MATR3: variants seen among roughly 807,000 people sequenced by gnomAD.
The protein encoded by MATR3 is matrin-3.
A neutral mutation model predicts 85.5 loss-of-function variants in MATR3; 4 were observed. The observed-to-expected ratio is 0.05, with a 90% CI of 0.02 to 0.11. MATR3 has a LOEUF of 0.11. Among genes scored for constraint, MATR3 ranks in the 10% least tolerant of loss-of-function variants. The probability of loss-of-function intolerance (pLI) is 1.00; values close to 1 mark genes in which losing one functional copy is unlikely to be tolerated. For missense variants in MATR3, 685 were observed against 1,016.1 expected (o/e 0.67, Z 4.43); for synonymous variants, 336 against 343.1 (o/e 0.98, Z 0.23).
intron 5 of MATR3, 25 bp downstream of exon 5, chr5:139,316,213 T>A: frequency 6.6e-7 from 1 of 1,523,226 alleles, no homozygotes; most frequent in South Asian, 1.1e-5. Flanking sequence ...TTCATGTTAC[T>A]TTTCCCTACA....
At chr5:139,285,991 A>G (rs1753688844) in intron 3 of MATR3, among the ~76,000 whole-genome samples, 1 of 152,214 alleles carries the variant, frequency 6.6e-6, no homozygotes, top group Non-Finnish European at 1.5e-5. Context: ...AAACTTCCCC[A>G]ATCTAGAGAG....
At chr5:139,278,832 A>G (rs750885677) in intron 2 of MATR3, 2 of 517,218 alleles carry the variant, frequency 3.9e-6, no homozygotes, top group Admixed American at 3.9e-5. Flanking sequence ...ATGGTGTTAC[A>G]CTGTTGGAAG....
At chr5:139,320,250 A>G (rs1294571358) in intron 9 of MATR3, among the ~76,000 whole-genome samples, 1 of 151,922 alleles carries the variant, frequency 6.6e-6, no homozygotes, top group East Asian at 1.9e-4. Context: ...CGGAGCTTGC[A>G]ATGACTCGAG....
Position 139,321,373 on chromosome 5 carries a change from G to A in MATR3, c.1603-525G>A, listed in dbSNP as rs552636716. On this transcript the variant is annotated intron_variant, in intron 9 of 14. Transcript: ENST00000394805. ...TCACCATACTGGTCAGGCTGTTCTC[G>A]GAATTCCTGACCTCAGGTGAGCCAC... Among the ~76,000 whole-genome samples, 28 of 151,930 alleles carry A rather than the reference G, an allele frequency of 1.8e-4. No individual in the cohort carries two copies. In the Middle Eastern group the frequency reaches 0.01, roughly 56 times the overall value.
At chr5:139,294,111 C>A in intron 1 of MATR3, 1 of 1,199,048 alleles carries the variant, frequency 8.3e-7, no homozygotes, top group Non-Finnish European at 1.1e-6. Context: ...GTGCGCTGAC[C>A]GGCCGAGCTT....
rs1189462647 is a variant in MATR3, at chr5:139,329,765, A to T, written c.*370A>T. 4.4e-6 allele frequency: 2 copies of T among 455,422 alleles called. No homozygotes were observed. The highest frequency in any genetic ancestry group is 4.0e-5 in the African/African-American group (2 of 50,066). 28.2% of individuals were successfully genotyped at this position (455,422 alleles called of 1,614,324 possible). On this transcript the variant is annotated 3_prime_UTR_variant, in exon 15 of 15. Coordinates refer to ENST00000394805, the MANE Select transcript of MATR3 (RefSeq NM_018834.6). Reference sequence around the variant, plus strand: ...AACATTTTATTCCATTCAATAAAGAACAAAACCAATAGTGTTTTTATTACT... The same window carrying T: ...AACATTTTATTCCATTCAATAAAGATCAAAACCAATAGTGTTTTTATTACT...
In MATR3 at chr5:139,314,608, TTGAA is replaced by T. The variant is rs1445693698; in HGVS notation, c.913-64_913-61del. 6.1e-6 allele frequency: 8 copies of T among 1,302,236 alleles called. No homozygotes were observed. In the East Asian group the frequency reaches 7.0e-5, roughly 11 times the overall value. The allele number at this position is 1,302,236 out of a possible 1,614,324, so 80.7% of individuals were successfully genotyped here. On this transcript the variant is annotated intron_variant, in intron 2 of 14. Coordinates refer to ENST00000394805, the MANE Select transcript of MATR3 (RefSeq NM_018834.6). ...TGCATAGACATTAATATCCTAGAGT[TTGAA>T]TGGTTCAGATGAAAATATTTCAGCT...
At chr5:139,306,021 A>G (rs1041428329) in intron 1 of MATR3, among the ~76,000 whole-genome samples, 12 of 152,174 alleles carry the variant, frequency 7.9e-5, no homozygotes, top group African/African-American at 2.9e-4. Flanking sequence ...ACCAGTGCTG[A>G]GTGTATTGGT....
Position 139,322,824 on chromosome 5 carries a change from C to G in MATR3, c.2005C>G (p.Leu669Val). 1 of 1,614,130 alleles carries G rather than the reference C, an allele frequency of 6.2e-7. No individual in the cohort carries two copies. Among genetic ancestry groups the G allele is most frequent in the Non-Finnish European group, 8.5e-7 (1 of 1,180,020 alleles). The change falls in exon 12 of 15, where the codon CTA becomes GTA. Residue 669 changes from leucine to valine, a missense_variant. Coordinates refer to ENST00000394805, the MANE Select transcript of MATR3 (RefSeq NM_018834.6). The stretch of plus-strand genomic sequence containing the variant: ...AGATGAAGAAGAAGCAGCAGCACTG[C>G]TAGAAAGTGGCAGTTCAGTGGGAGA... ...LVDEEEAAAL[L>V]ESGSSVGDET...
At chr5:139,304,880 C>T (rs1754630554) in intron 1 of MATR3, among the ~76,000 whole-genome samples, 1 of 152,158 alleles carries the variant, frequency 6.6e-6, no homozygotes, top group Non-Finnish European at 1.5e-5. Flanking sequence ...GTGAATGAGC[C>T]TTTAAAAGTG....
rs777025841 is a variant in MATR3 at position 139,319,363 on chromosome 5, T to A, written c.1464T>A (p.Phe488Leu). 5.6e-6 allele frequency: 9 copies of A among 1,614,080 alleles called. No individual in the cohort carries two copies. The highest frequency in any genetic ancestry group is 8.5e-7 in the Non-Finnish European group (1 of 1,180,052). The change falls in exon 9 of 15, where the codon TTT (phenylalanine) becomes TTA (leucine). Residue 488 changes from phenylalanine (F) to leucine (L), a missense_variant. Transcript: ENST00000394805. ...KKPEGKPDQK[F>L]DQKQELGRVI... ...CTGAAGGAAAGCCAGATCAGAAGTT[T>A]GATCAAAAGCAAGAGCTTGGACGTG...
rs1755847002 is a variant in MATR3, at chr5:139,326,284, G to A, written c.2493G>A (p.Lys831=). Reference sequence around the variant, plus strand: ...GCCTTCCTCATTATCAGAAATTAAAGGTAAGGTTGAATGTAAAACAGTTCT... The same window carrying A: ...GCCTTCCTCATTATCAGAAATTAAAAGTAAGGTTGAATGTAAAACAGTTCT... The part of the protein sequence containing the change: ...CSSLPHYQKL[K]KFLNKLAEER... Residue 831 remains lysine (K), a splice_region_variant and synonymous_variant, in exon 14 of 15, where the codon AAG becomes AAA. Transcript: ENST00000394805. 6.2e-7 allele frequency: 1 copy of A among 1,612,952 alleles called. No homozygotes were observed. The highest frequency in any genetic ancestry group is 8.5e-7 in the Non-Finnish European group (1 of 1,179,374).
At chr5:139,317,344 C>T (rs1755303780) in intron 6 of MATR3, among the ~76,000 whole-genome samples, 1 of 152,140 alleles carries the variant, frequency 6.6e-6, no homozygotes, top group East Asian at 1.9e-4. Context: ...GTTACGCGTA[C>T]AATATTTAAT....
At chr5:139,300,354 G>A (rs1041128180) in intron 1 of MATR3, among the ~76,000 whole-genome samples, 1 of 152,132 alleles carries the variant, frequency 6.6e-6, no homozygotes, top group Admixed American at 6.6e-5. Flanking sequence ...AACTGTGCGA[G>A]ACTCTGTCTC....
chr5:139,300,620 CTG>C (rs1236769371), intron 1 of MATR3, among the ~76,000 whole-genome samples: 1 of 152,164 alleles, frequency 6.6e-6, no homozygotes, highest in African/African-American at 2.4e-5. Context: ...TACTACGGTG[CTG>C]TGTGTCAGAC....
chr5:139,281,709 T>G (rs901122546), intron 3 of MATR3, among the ~76,000 whole-genome samples: 6 of 152,146 alleles, frequency 3.9e-5, no homozygotes, highest in African/African-American at 1.2e-4. Flanking sequence ...TGAATGAGAC[T>G]GGCAGGGTTA....
At chr5:139,298,866 C>T (rs1754295840) in intron 1 of MATR3, among the ~76,000 whole-genome samples, 1 of 152,174 alleles carries the variant, frequency 6.6e-6, no homozygotes, top group African/African-American at 2.4e-5. Context: ...AAATGTTCAT[C>T]ATCTGCAGAA....
At chr5:139,287,412 A>G (rs139648751) in intron 3 of MATR3, among the ~76,000 whole-genome samples, 32 of 152,310 alleles carry the variant, frequency 2.1e-4, no homozygotes, top group African/African-American at 7.7e-4. Context: ...TGAGGTCAGG[A>G]GTTCGAGACC....
chr5:139,281,472 A>T (rs1010650146), intron 3 of MATR3, among the ~76,000 whole-genome samples: 3 of 149,880 alleles, frequency 2.0e-5, no homozygotes, highest in African/African-American at 7.4e-5. Context: ...CCACCCAAGT[A>T]GCTGGGACTA....
Sources: gnomAD v4.1 joint callset for allele counts (sites outside exome capture counted in the v4.1 genomes callset) on GRCh38, gnomAD v4.1.1 for gene constraint, MANE v1.5 for transcripts, NCBI Gene and HGNC (gene_info 2026-07-23, HGNC 2026-07-21) for gene names.